ASIC2: variants seen among roughly 807,000 people sequenced by gnomAD.
ASIC2 encodes the protein acid-sensing ion channel 2.
A neutral mutation model predicts 57.3 loss-of-function variants in ASIC2; 25 were observed. The observed-to-expected ratio is 0.44, with a 90% CI of 0.32 to 0.61. The LOEUF is 0.61. Ranked by LOEUF, ASIC2 falls within the 20% of genes least tolerant of loss-of-function variation. The pLI is 0.06. For synonymous variants in ASIC2, 319 were observed against 307.5 expected, an observed-to-expected ratio of 1.04 and a Z score of -0.39; for missense variants, 641 against 738.1, an observed-to-expected ratio of 0.87 and a Z score of 1.52.
chr17:33,748,857 C>A (rs140503303), intron 1 of ASIC2, among the ~76,000 whole-genome samples: 6 of 152,328 alleles, frequency 3.9e-5, no homozygotes, highest in African/African-American at 1.2e-4. Flanking sequence ...CGCATGCATG[C>A]GAGAGCCACG....
chr17:33,203,762 T>C (rs1291132597), intron 1 of ASIC2, among the ~76,000 whole-genome samples: 2 of 152,236 alleles, frequency 1.3e-5, no homozygotes, highest in Non-Finnish European at 2.9e-5. Context: ...GTGAGCACAC[T>C]GGAGTGGGAT....
At chr17:33,927,544 T>G (rs1013221242) in intron 1 of ASIC2, among the ~76,000 whole-genome samples, 1 of 152,340 alleles carries the variant, frequency 6.6e-6, no homozygotes, top group African/African-American at 2.4e-5. Flanking sequence ...AGACACCTGA[T>G]CTGCTGCTGC....
At chr17:33,750,517 T>C (rs542703766) in intron 1 of ASIC2, among the ~76,000 whole-genome samples, 2 of 152,196 alleles carry the variant, frequency 1.3e-5, no homozygotes, top group South Asian at 4.2e-4. Flanking sequence ...GGCCCAGTGG[T>C]TAATAACTCC....
At chr17:34,104,852 A>C (rs1910988077) in intron 1 of ASIC2, among the ~76,000 whole-genome samples, 1 of 152,052 alleles carries the variant, frequency 6.6e-6, no homozygotes, top group Non-Finnish European at 1.5e-5. Flanking sequence ...TTTCTGAAAA[A>C]TATTTTGCTA....
intron 1 of ASIC2, among the ~76,000 whole-genome samples, chr17:33,534,776 A>G (rs928052772): frequency 5.3e-5 from 8 of 152,216 alleles, no homozygotes; most frequent in African/African-American, 1.9e-4. Context: ...GGCACCTCTA[A>G]GCTATAAATC....
At chr17:34,145,523 T>C (rs143369939) in intron 1 of ASIC2, among the ~76,000 whole-genome samples, 397 of 152,338 alleles carry the variant, frequency 2.6e-3, no homozygotes, top group African/African-American at 9.3e-3. Context: ...CTAGAGCTGA[T>C]GGCAGGGTAC....
intron 3 of ASIC2, among the ~76,000 whole-genome samples, chr17:33,084,450 T>C (rs1467546068): frequency 6.6e-6 from 1 of 152,254 alleles, no homozygotes; most frequent in Non-Finnish European, 1.5e-5. Flanking sequence ...GAGTTACAAC[T>C]GTGCAGTGTG....
chr17:33,282,256 G>A (rs759595282), intron 1 of ASIC2, among the ~76,000 whole-genome samples: 31 of 152,272 alleles, frequency 2.0e-4, no homozygotes, highest in Middle Eastern at 3.4e-3. Flanking sequence ...GAGGTCAGAA[G>A]TCTGAAATGA....
At chr17:33,857,097 C>T (rs1290366163) in intron 1 of ASIC2, among the ~76,000 whole-genome samples, 1 of 152,042 alleles carries the variant, frequency 6.6e-6, no homozygotes, top group East Asian at 1.9e-4. Flanking sequence ...CTCAGTTGCT[C>T]CTTGGCAGCC....
rs1911704773 is a variant in ASIC2, at chr17:33,789,505, T to TACACACAC, written c.555+366472_555+366473insGTGTGTGT. On this transcript the variant is annotated intron_variant, in intron 1 of 9. Coordinates refer to the ASIC2 transcript ENST00000359872. The stretch of plus-strand genomic sequence containing the variant: ...ACACACACACACACACACACACACG[T>TACACACAC]GCAGCATTTCAGCTGCTATGGGGAT... Among the ~76,000 whole-genome samples, 6 of 116,816 alleles carry TACACACAC rather than the reference T, an allele frequency of 5.1e-5. No individual in the cohort carries two copies. In the South Asian group the frequency reaches 1.5e-3, roughly 29 times the overall value. The allele number at this position is 116,816 out of a possible 152,430, so 76.6% of individuals were successfully genotyped here. A position where few individuals can be genotyped will look rare whatever the true frequency, so the allele number is the denominator to read the frequency against.
At chr17:33,305,698 G>A (rs1039962949) in intron 1 of ASIC2, among the ~76,000 whole-genome samples, 80 of 152,092 alleles carry the variant, frequency 5.3e-4, no homozygotes, top group African/African-American at 1.8e-3. Context: ...TGTATAATCC[G>A]CGTAAGGATA....
At chr17:33,873,338 C>T (rs993248042) in intron 1 of ASIC2, among the ~76,000 whole-genome samples, 9 of 152,182 alleles carry the variant, frequency 5.9e-5, no homozygotes, top group African/African-American at 1.9e-4. Context: ...AAGTGCTTAG[C>T]AGGAACTAGA....
At chr17:33,134,639 A>G (rs1278554351) in intron 1 of ASIC2, among the ~76,000 whole-genome samples, 2 of 152,248 alleles carry the variant, frequency 1.3e-5, no homozygotes, top group African/African-American at 4.8e-5. Context: ...CAGAGCCTGG[A>G]TAATTCTGGA....
chr17:33,145,551 T>C (rs568886488), intron 1 of ASIC2, among the ~76,000 whole-genome samples: 4 of 152,248 alleles, frequency 2.6e-5, no homozygotes, highest in Non-Finnish European at 5.9e-5. Flanking sequence ...TTTTTCAGAC[T>C]TCTAACACAT....
At chr17:33,919,224 G>A (rs1174565151) in intron 1 of ASIC2, among the ~76,000 whole-genome samples, 1 of 152,108 alleles carries the variant, frequency 6.6e-6, no homozygotes. Flanking sequence ...TCCTGGAAAG[G>A]TGTCTGCCTG....
chr17:34,037,697 G>C (rs1379108836), intron 1 of ASIC2: 1 of 1,613,976 alleles, frequency 6.2e-7, no homozygotes, highest in East Asian at 2.2e-5. Context: ...CGTAGAGACT[G>C]ACTTTTGGAT....
chr17:33,900,331 T>C (rs1915204691), intron 1 of ASIC2, among the ~76,000 whole-genome samples: 1 of 152,164 alleles, frequency 6.6e-6, no homozygotes, highest in Admixed American at 6.5e-5. Context: ...TTTGCCTTCT[T>C]GTTCTGGATA....
At chr17:34,038,811 G>T in intron 1 of ASIC2, 2 of 1,612,072 alleles carry the variant, frequency 1.2e-6, no homozygotes, top group Non-Finnish European at 1.7e-6. Context: ...TTGGTTGCAG[G>T]AGGGGCCTGA....
At chr17:33,769,098 C>A (rs149703027) in intron 1 of ASIC2, among the ~76,000 whole-genome samples, 1 of 152,212 alleles carries the variant, frequency 6.6e-6, no homozygotes, top group Non-Finnish European at 1.5e-5. Flanking sequence ...GTGTGGGTAC[C>A]CAGAAAGGCT....
Sources: allele counts gnomAD v4.1 joint callset (sites outside exome capture counted in the v4.1 genomes callset), GRCh38; gene constraint gnomAD v4.1.1; transcripts MANE v1.5; gene names NCBI Gene and HGNC (gene_info 2026-07-23, HGNC 2026-07-21).